Variants in GPRC6A observed in about 807,000 individuals in gnomAD.
The protein encoded by GPRC6A is G protein-coupled receptor class C group 6 member A.
A neutral mutation model predicts 47.0 loss-of-function variants in GPRC6A; 54 were observed. The observed-to-expected ratio is 1.15, with a 90% CI of 0.92 to 1.44. The LOEUF (loss-of-function observed/expected upper bound fraction) is 1.44. Ranked by LOEUF, GPRC6A falls within the 40% of genes most tolerant of loss-of-function variation. The pLI, the probability that GPRC6A is intolerant of heterozygous loss-of-function variation, is 0.00. For synonymous variants in GPRC6A, 347 were observed against 377.1 expected (o/e 0.92, Z 0.93); for missense variants, 1,112 against 1,105.5 (o/e 1.01, Z -0.08).
chr6:116,826,711 G>A (rs574861936), intron 1 of GPRC6A, among the ~76,000 whole-genome samples: 1 of 151,862 alleles, frequency 6.6e-6, no homozygotes, highest in East Asian at 1.9e-4. Context: ...TCTATTCAAA[G>A]AAAAGGAAAT....
chr6:116,828,712 T>G, intron 1 of GPRC6A, 108 bp downstream of exon 1: 1 of 905,482 alleles, frequency 1.1e-6, no homozygotes, highest in Middle Eastern at 2.9e-4. Flanking sequence ...AAAATACATA[T>G]GAGTTTATTT....
intron 3 of GPRC6A, among the ~76,000 whole-genome samples, chr6:116,802,516 G>A (rs1351559961): frequency 6.6e-6 from 1 of 152,114 alleles, no homozygotes; most frequent in Admixed American, 6.6e-5. Context: ...GGTTGATATT[G>A]TTTTTCATTG....
Position 116,792,760 on chromosome 6 carries a change from G to C in GPRC6A, c.2163C>G (p.Leu721=). ...CAGTAGGTGCTGCAAAGATTAGCCA[G>C]AGTGTGCAAATGACAACCTGGATGC... is the stretch of plus-strand genomic sequence containing the variant. The part of the protein sequence containing the change: ...CTGIQVVICT[L]WLIFAAPTVE... The change falls in exon 6 of 6, where the codon CTC becomes CTG. Residue 721 remains leucine, a synonymous_variant. Transcript: ENST00000310357. The C allele has an allele frequency of 6.2e-7, 1 of 1,614,000 alleles. No individual in the cohort carries two copies. Among genetic ancestry groups the C allele is most frequent in the Non-Finnish European group, 8.5e-7 (1 of 1,179,958 alleles).
Position 116,793,078 on chromosome 6 carries a change from A to G in GPRC6A, c.1845T>C (p.Phe615=), listed in dbSNP as rs376755478. 7 of 1,613,820 alleles carry G rather than the reference A, an allele frequency of 4.3e-6. No individual in the cohort carries two copies. The highest frequency in any genetic ancestry group is 5.9e-6 in the Non-Finnish European group (7 of 1,179,880). Residue 615 remains phenylalanine (F), a synonymous_variant, in exon 6 of 6, where the codon TTT becomes TTC. Transcript: ENST00000310357. ...CAACAGGTGTGTTCAGGTTTCTTGT[A>G]AATATTATGCCAACAACCAGAACAA... ...IIFVLVVGII[F]TRNLNTPVVK...
rs1351213715 is a variant in GPRC6A at position 116,819,464 on chromosome 6, C to T, written c.194+9356G>A. On this transcript the variant is annotated intron_variant, in intron 1 of 5. Transcript: ENST00000310357. ...ATTGACCACATACTTGGAAGTAAAG[C>T]TCTCCTCAGCAAATGTAAAAGAAGA... Among the ~76,000 whole-genome samples the T allele has an allele frequency of 2.0e-5, 3 of 151,974 alleles. No homozygotes were observed. The East Asian group carries it at 5.8e-4, about 29-fold the overall frequency.
At chr6:116,825,737 CA>C (rs1773658028) in intron 1 of GPRC6A, among the ~76,000 whole-genome samples, 1 of 151,700 alleles carries the variant, frequency 6.6e-6, no homozygotes, top group Admixed American at 6.6e-5. Flanking sequence ...GGAGCAACAA[CA>C]AAAAAGCCAG....
intron 5 of GPRC6A, among the ~76,000 whole-genome samples, chr6:116,794,600 A>G (rs1377997544): frequency 6.6e-6 from 1 of 152,148 alleles, no homozygotes; most frequent in Non-Finnish European, 1.5e-5. Flanking sequence ...TAAATGTTAC[A>G]TACTCCTTGG....
chr6:116,819,616 C>T (rs1438466814), intron 1 of GPRC6A, among the ~76,000 whole-genome samples: 1 of 152,138 alleles, frequency 6.6e-6, no homozygotes, highest in African/African-American at 2.4e-5. Flanking sequence ...CTACTGGGTA[C>T]ATAATGAAAT....
intron 3 of GPRC6A, 30 bp from the exon 4 acceptor site, chr6:116,800,826 T>G (rs1442224514): frequency 1.5e-6 from 2 of 1,364,430 alleles, no homozygotes; most frequent in Non-Finnish European, 1.0e-6. Context: ...AGATAAGCAC[T>G]TAATATAAAT....
chr6:116,813,033 T>G (rs936433157), intron 1 of GPRC6A, among the ~76,000 whole-genome samples: 11 of 152,232 alleles, frequency 7.2e-5, no homozygotes, highest in Non-Finnish European at 1.5e-4. Flanking sequence ...ATAAAATACC[T>G]AGGAATCCAA....
At chr6:116,819,711 G>T (rs1025056206) in intron 1 of GPRC6A, among the ~76,000 whole-genome samples, 1 of 152,050 alleles carries the variant, frequency 6.6e-6, no homozygotes, top group Non-Finnish European at 1.5e-5. Context: ...TCAAAGCAGT[G>T]TGTAGAGGGA....
intron 1 of GPRC6A, among the ~76,000 whole-genome samples, chr6:116,820,755 C>G (rs1327113693): frequency 5.3e-5 from 8 of 150,998 alleles, no homozygotes; most frequent in East Asian, 1.9e-4. Context: ...CAATATCATA[C>G]TGAATGGGCA....
intron 5 of GPRC6A, among the ~76,000 whole-genome samples, chr6:116,794,940 T>A (rs1772430071): frequency 6.6e-6 from 1 of 152,124 alleles, no homozygotes; most frequent in Admixed American, 6.6e-5. Context: ...GCAAAAAGAA[T>A]AGGCATTTGG....
chr6:116,809,590 A>C lies in GPRC6A; in HGVS notation c.222T>G (p.Thr74=). 6.2e-7 allele frequency: 1 copy of C among 1,609,050 alleles called. No homozygotes were observed. Among genetic ancestry groups the C allele is most frequent in the Non-Finnish European group, 8.5e-7 (1 of 1,176,220 alleles). The change falls in exon 2 of 6, where the codon ACT becomes ACG. Residue 74 remains threonine (T), a synonymous_variant. Coordinates refer to ENST00000310357, the MANE Select transcript of GPRC6A (RefSeq NM_148963.4). ...TCTCAATGCTGTGTATCATGGCAAGAGTTTGAAGAAAAACTGATATTTCAA... is the reference window on the plus strand; with the variant it reads ...TCTCAATGCTGTGTATCATGGCAAGCGTTTGAAGAAAAACTGATATTTCAA... ...VGFEISVFLQ[T]LAMIHSIEMI...
intron 1 of GPRC6A, 101 bp from the exon 2 acceptor site, chr6:116,809,718 A>C: frequency 1.4e-6 from 1 of 717,130 alleles, no homozygotes; most frequent in Non-Finnish European, 2.3e-6. Context: ...TTTCTGGATG[A>C]GTGAAGCTTA....
Position 116,828,891 on chromosome 6 carries a change from C to G in GPRC6A, c.123G>C (p.Leu41Phe). The G allele has an allele frequency of 6.2e-7, 1 of 1,613,290 alleles. No homozygotes were observed. The change falls in exon 1 of 6, where the codon TTG becomes TTC. Residue 41 changes from leucine (L) to phenylalanine (F), a missense_variant. Physicochemically the swap from Leu to Phe is conservative, Grantham distance 22. Transcript: ENST00000310357. ...TSPGHIIIGG[L>F]FAIHEKMLSS... The stretch of plus-strand genomic sequence containing the variant: ...ACAACATTTTTTCATGAATAGCAAA[C>G]AAACCTCCAATTATGATATGTCCCG...
intron 1 of GPRC6A, among the ~76,000 whole-genome samples, chr6:116,823,840 A>G (rs1411616646): frequency 6.6e-6 from 1 of 152,072 alleles, no homozygotes. Flanking sequence ...GGCACCTTAC[A>G]TGGCCAGATT....
intron 5 of GPRC6A, among the ~76,000 whole-genome samples, chr6:116,793,849 A>T (rs558145797): frequency 1.3e-5 from 2 of 152,336 alleles, no homozygotes; most frequent in East Asian, 3.9e-4. Context: ...TTTCAAAAGC[A>T]GAGGCAATAT....
intron 1 of GPRC6A, among the ~76,000 whole-genome samples, chr6:116,817,646 A>G (rs1773274643): frequency 1.3e-5 from 2 of 152,136 alleles, no homozygotes; most frequent in South Asian, 2.1e-4. Context: ...AAATTTAGAC[A>G]AATGTATAGC....
Sources: allele counts gnomAD v4.1 joint callset (sites outside exome capture counted in the v4.1 genomes callset), GRCh38; gene constraint gnomAD v4.1.1; transcripts MANE v1.5; gene names NCBI Gene and HGNC (gene_info 2026-07-23, HGNC 2026-07-21).